SYNPR: variants seen among roughly 807,000 people sequenced by gnomAD.
SYNPR encodes synaptoporin.
A neutral mutation model predicts 32.9 loss-of-function variants in SYNPR; 23 were observed. The ratio of observed to expected loss-of-function variants is 0.70; its 90% confidence interval spans 0.50 to 0.99. The LOEUF is 0.99. Among genes scored for constraint, SYNPR ranks in the 50% least tolerant of loss-of-function variants. The pLI, the probability that SYNPR is intolerant of heterozygous loss-of-function variation, is 0.00. For synonymous variants in SYNPR, 146 were observed against 135.9 expected, an observed-to-expected ratio of 1.07 and a Z score of -0.52; for missense variants, 318 against 349.3, an observed-to-expected ratio of 0.91 and a Z score of 0.71.
At chr3:63,259,231 C>T (rs1441830904) in intron 2 of SYNPR, among the ~76,000 whole-genome samples, 2 of 152,180 alleles carry the variant, frequency 1.3e-5, no homozygotes, top group East Asian at 3.8e-4. Context: ...ATGAGGCCAG[C>T]ATCATCCTGA....
intron 3 of SYNPR, among the ~76,000 whole-genome samples, chr3:63,268,238 T>C (rs2086507478): frequency 6.6e-6 from 1 of 152,252 alleles, no homozygotes; most frequent in Non-Finnish European, 1.5e-5. Flanking sequence ...ATCATTAGGT[T>C]ATGTTGTGGA....
At chr3:63,425,475 T>C (rs952786194) in intron 2 of SYNPR, among the ~76,000 whole-genome samples, 26 of 152,308 alleles carry the variant, frequency 1.7e-4, no homozygotes, top group African/African-American at 6.0e-4. Flanking sequence ...TCCCAGGAGA[T>C]AACTCCTCAT....
At chr3:63,337,970 C>T (rs1243192605) in intron 2 of SYNPR, among the ~76,000 whole-genome samples, 1 of 151,840 alleles carries the variant, frequency 6.6e-6, no homozygotes, top group African/African-American at 2.4e-5. Flanking sequence ...GACAAATGAA[C>T]CATGCAGCAC....
At chr3:63,227,402 G>A (rs1237271098), upstream of SYNPR, among the ~76,000 whole-genome samples, 1 of 152,208 alleles carries the variant, frequency 6.6e-6, no homozygotes, top group Non-Finnish European at 1.5e-5. Context: ...GGATGAGTAA[G>A]GGGAAAATGT....
chr3:63,224,993 C>A (rs2086118324), upstream of SYNPR, among the ~76,000 whole-genome samples: 1 of 152,194 alleles, frequency 6.6e-6, no homozygotes, highest in Non-Finnish European at 1.5e-5. Context: ...TATGTTCTTG[C>A]TATTGATCCC....
intron 1 of SYNPR, among the ~76,000 whole-genome samples, chr3:63,230,634 C>A (rs971507879): frequency 6.6e-6 from 1 of 152,192 alleles, no homozygotes; most frequent in African/African-American, 2.4e-5. Flanking sequence ...AGAGCCAGCA[C>A]TTGGACTTTG....
intron 2 of SYNPR, among the ~76,000 whole-genome samples, chr3:63,320,344 A>G (rs1296350501): frequency 2.0e-5 from 3 of 152,088 alleles, no homozygotes; most frequent in Non-Finnish European, 2.9e-5. Context: ...GTCCTTTAAA[A>G]AGGTAAAATA....
intron 1 of SYNPR, among the ~76,000 whole-genome samples, chr3:63,237,569 CCTT>C (rs1037480352): frequency 3.3e-5 from 5 of 152,032 alleles, no homozygotes; most frequent in African/African-American, 4.8e-5. Context: ...TGTCTTCTCT[CCTT>C]CAAGTTGCGA....
intron 3 of SYNPR, among the ~76,000 whole-genome samples, chr3:63,487,874 C>T (rs531646321): frequency 1.3e-4 from 20 of 152,202 alleles, no homozygotes; most frequent in South Asian, 4.2e-4. Context: ...TTCAATTCAA[C>T]GAGAGGTTCC....
chr3:63,361,733 G>T (rs564674778), intron 2 of SYNPR, among the ~76,000 whole-genome samples: 1 of 152,072 alleles, frequency 6.6e-6, no homozygotes, highest in African/African-American at 2.4e-5. Context: ...TGTGATTGCA[G>T]TTATAGTTAT....
intron 3 of SYNPR, among the ~76,000 whole-genome samples, chr3:63,541,486 G>A (rs968482320): frequency 2.6e-5 from 4 of 152,024 alleles, no homozygotes; most frequent in African/African-American, 7.2e-5. Flanking sequence ...AGTTATCACA[G>A]GCCATCAGAC....
At chr3:63,326,541 T>C (rs2087170490) in intron 2 of SYNPR, among the ~76,000 whole-genome samples, 1 of 152,206 alleles carries the variant, frequency 6.6e-6, no homozygotes, top group African/African-American at 2.4e-5. Context: ...TCCTTATATA[T>C]AAAAAGGAAC....
At chr3:63,211,865 CG>C in the SYNPR span, among the ~76,000 whole-genome samples, 1 of 112,252 alleles carries the variant, frequency 8.9e-6, no homozygotes, top group East Asian at 2.7e-4. Context: ...CCCCCTCCCC[CG>C]ACCCCACCAC....
intron 3 of SYNPR, among the ~76,000 whole-genome samples, chr3:63,491,511 T>C (rs1178980201): frequency 2.0e-5 from 3 of 152,090 alleles, no homozygotes. Flanking sequence ...TAAAGGTTTA[T>C]GTGTATATGC....
At chr3:63,229,769 A>C (rs1361905255) in intron 1 of SYNPR, among the ~76,000 whole-genome samples, 1 of 152,128 alleles carries the variant, frequency 6.6e-6, no homozygotes, top group Non-Finnish European at 1.5e-5. Flanking sequence ...CTCACTTCTT[A>C]ACACTTAGCC....
At chr3:63,470,274 C>T (rs1700771125) in intron 2 of SYNPR, among the ~76,000 whole-genome samples, 1 of 152,106 alleles carries the variant, frequency 6.6e-6, no homozygotes, top group African/African-American at 2.4e-5. Context: ...AAACAACTTC[C>T]AACTTTTCTG....
chr3:63,308,662 T>C (rs2086931538), intron 2 of SYNPR, among the ~76,000 whole-genome samples: 1 of 151,982 alleles, frequency 6.6e-6, no homozygotes. Flanking sequence ...GCACTACTTC[T>C]AACAAGAAAT....
intron 4 of SYNPR, among the ~76,000 whole-genome samples, chr3:63,588,628 A>C (rs748431488): frequency 3.3e-5 from 5 of 152,242 alleles, no homozygotes; most frequent in South Asian, 4.1e-4. Context: ...ATACAAATTT[A>C]TTCTTTTCCC....
At chr3:63,579,463 G>C (rs191052272) in intron 4 of SYNPR, among the ~76,000 whole-genome samples, 1 of 151,938 alleles carries the variant, frequency 6.6e-6, no homozygotes, top group East Asian at 1.9e-4. Flanking sequence ...CTGAATTATC[G>C]TTTCTCCAAA....
Sources: allele counts gnomAD v4.1 joint callset (sites outside exome capture counted in the v4.1 genomes callset), GRCh38; gene constraint gnomAD v4.1.1; transcripts MANE v1.5; gene names NCBI Gene and HGNC (gene_info 2026-07-23, HGNC 2026-07-21).